PTPN2: variants seen among roughly 807,000 people sequenced by gnomAD.
PTPN2 encodes protein tyrosine phosphatase non-receptor type 2.
Under a neutral mutation model 57.3 loss-of-function variants are expected in PTPN2, and 19 were observed. The ratio of observed to expected loss-of-function variants is 0.33; its 90% CI spans 0.23 to 0.49. The LOEUF is 0.49. Among genes scored for constraint, PTPN2 ranks in the 20% least tolerant of loss-of-function variants. The probability of loss-of-function intolerance (pLI) is 0.99; values close to 1 mark genes in which losing one functional copy is unlikely to be tolerated. For synonymous variants in PTPN2, 153 were observed against 164.9 expected (o/e 0.93, Z 0.55); for missense variants, 358 against 501.1 (o/e 0.71, Z 2.73).
chr18:12,883,974 A>G (rs2044765438), intron 1 of PTPN2, 99 bp downstream of exon 1: 1 of 1,068,160 alleles, frequency 9.4e-7, no homozygotes, highest in East Asian at 3.0e-5. Context: ...GCGAGAGGCT[A>G]GAGGCGAGAG....
At chr18:12,854,849 T>C (rs12326700) in intron 2 of PTPN2, among the ~76,000 whole-genome samples, 1,682 of 151,796 alleles carry the variant, frequency 0.011, 22 homozygotes, top group African/African-American at 0.039. Flanking sequence ...AATTACGGGG[T>C]TAGGAAAAAA....
chr18:12,819,081 C>A, intron 5 of PTPN2: 3 of 376,676 alleles, frequency 8.0e-6, no homozygotes, highest in Non-Finnish European at 9.2e-6. Context: ...ACAACGAGAG[C>A]GAAACTCCAT....
At chr18:12,845,304 C>T (rs572945894) in intron 2 of PTPN2, among the ~76,000 whole-genome samples, 2 of 152,312 alleles carry the variant, frequency 1.3e-5, no homozygotes, top group East Asian at 3.9e-4. Context: ...GCTAAGTCTT[C>T]CAATCCATGA....
intron 4 of PTPN2, among the ~76,000 whole-genome samples, chr18:12,828,309 A>C (rs1405699256): frequency 3.3e-5 from 5 of 152,238 alleles, no homozygotes; most frequent in Non-Finnish European, 7.3e-5. Context: ...ACATCAGCAA[A>C]GACTGTTGAT....
At chr18:12,861,627 C>A (rs1252670307) in intron 1 of PTPN2, among the ~76,000 whole-genome samples, 1 of 152,076 alleles carries the variant, frequency 6.6e-6, no homozygotes, top group East Asian at 1.9e-4. Context: ...TTCTTAGATA[C>A]CTGATAAGTT....
intron 3 of PTPN2, 84 bp from the exon 4 acceptor site, chr18:12,831,125 T>C: frequency 1.1e-6 from 1 of 898,674 alleles, no homozygotes; most frequent in South Asian, 1.5e-5. Flanking sequence ...AGTCTGCTCC[T>C]GGGATGTTAC....
intron 1 of PTPN2, among the ~76,000 whole-genome samples, chr18:12,860,824 C>T (rs762337881): frequency 6.6e-6 from 1 of 152,072 alleles, no homozygotes; most frequent in African/African-American, 2.4e-5. Flanking sequence ...ACTAAGCTCT[C>T]ACTACTGATG....
Position 12,794,028 on chromosome 18 carries a change from A to C in PTPN2, c.*250T>G. On this transcript the variant is annotated 3_prime_UTR_variant, in exon 9 of 9. Transcript: ENST00000309660. The stretch of plus-strand genomic sequence containing the variant: ...TTTGACATGTATGAATACAGTTGCA[A>C]AATTTACCAGTTTTTAACAAACATG... 7.3e-7 allele frequency: 1 copy of C among 1,371,060 alleles called. No homozygotes were observed. Among genetic ancestry groups the C allele is most frequent in the Non-Finnish European group, 9.4e-7 (1 of 1,064,416 alleles). The allele number at this position is 1,371,060 out of a possible 1,614,324, so 84.9% of individuals were successfully genotyped here. A position where few individuals can be genotyped will look rare whatever the true frequency, so the allele number is the denominator to read the frequency against.
rs890147895 is a variant in PTPN2, at chr18:12,798,738, A to G, written c.1040+3232T>C. On this transcript the variant is annotated intron_variant, in intron 8 of 8. Transcript: ENST00000309660. ...CATACGCGTGTGTTTACATCTTTAC[A>G]GTACAATGATTTATATTCTTTTGGG... Among the ~76,000 whole-genome samples, 5 of 152,346 alleles carry G rather than the reference A, an allele frequency of 3.3e-5. No homozygotes were observed. The East Asian group carries it at 5.8e-4, about 18-fold the overall frequency.
At chr18:12,809,214 A>G (rs1278676702) in intron 7 of PTPN2, among the ~76,000 whole-genome samples, 2 of 152,192 alleles carry the variant, frequency 1.3e-5, no homozygotes, top group Non-Finnish European at 2.9e-5. Flanking sequence ...AGTTTCTTCT[A>G]TGAAAGAGGA....
chr18:12,810,904 A>G lies in PTPN2; in HGVS notation c.858+3299T>C, dbSNP rs142283290. Reference sequence around the variant, plus strand: ...CAATCAAGAAACTACAATATAATGGAACACAGGAGTAATTAAGGATGTCTT... The same window carrying G: ...CAATCAAGAAACTACAATATAATGGGACACAGGAGTAATTAAGGATGTCTT... On this transcript the variant is annotated intron_variant, in intron 7 of 8. Coordinates refer to ENST00000309660, the MANE Select transcript of PTPN2 (RefSeq NM_002828.4). Among the ~76,000 whole-genome samples, 694 of 152,316 alleles carry G rather than the reference A, an allele frequency of 4.6e-3. 5 individuals are homozygous for G. The highest frequency in any genetic ancestry group is 0.016 in the African/African-American group (667 of 41,570).
chr18:12,807,506 G>T (rs1185419760), intron 7 of PTPN2, among the ~76,000 whole-genome samples: 1 of 137,534 alleles, frequency 7.3e-6, no homozygotes, highest in Non-Finnish European at 1.5e-5. Flanking sequence ...ACTATTCACA[G>T]TAGTCAAGAT....
At chr18:12,872,990 G>A (rs147393905) in intron 1 of PTPN2, among the ~76,000 whole-genome samples, 44 of 152,316 alleles carry the variant, frequency 2.9e-4, no homozygotes, top group African/African-American at 9.9e-4. Flanking sequence ...GGAGGCCAAG[G>A]TGGGTGGATC....
chr18:12,845,245 T>C (rs923374846), intron 2 of PTPN2, among the ~76,000 whole-genome samples: 10 of 152,190 alleles, frequency 6.6e-5, no homozygotes, highest in African/African-American at 2.2e-4. Context: ...TTTGACACTA[T>C]GAGTCACTAT....
intron 1 of PTPN2, chr18:12,883,869 G>A: frequency 2.3e-6 from 1 of 433,790 alleles, no homozygotes. Flanking sequence ...GCTCAAGTAT[G>A]CTTTTTTTTT....
At position 12,884,149 on chromosome 18, in the gene PTPN2, G is replaced by A. The variant is rs1169077096; in HGVS notation, c.-8C>T. On this transcript the variant is annotated 5_prime_UTR_variant, in exon 1 of 9. Transcript: ENST00000309660. ...CTCGATGGTGGTGGGCATGGCTGCG[G>A]GAGCGAGCTGGCGCGAGCAGAGCCT... The A allele has an allele frequency of 4.4e-6, 7 of 1,577,928 alleles. No individual in the cohort carries two copies. Among genetic ancestry groups the A allele is most frequent in the African/African-American group, 4.1e-5 (3 of 73,596 alleles).
chr18:12,827,003 TTA>T (rs1357644470), intron 4 of PTPN2, among the ~76,000 whole-genome samples: 1 of 152,240 alleles, frequency 6.6e-6, no homozygotes, highest in African/African-American at 2.4e-5. Flanking sequence ...GACATTCACT[TTA>T]TGTTTCTAAA....
At chr18:12,785,960 T>C (rs1464095684) in intron 9 of PTPN2, 1 of 862,694 alleles carries the variant, frequency 1.2e-6, no homozygotes, top group East Asian at 2.5e-5. Context: ...TGACCAAAAA[T>C]CATTCCCACA....
At chr18:12,804,289 CAAAAAAAA>C (rs59927276) in intron 7 of PTPN2, among the ~76,000 whole-genome samples, 1 of 67,868 alleles carries the variant, frequency 1.5e-5, no homozygotes, top group African/African-American at 6.4e-5. Flanking sequence ...GAAACTGTCT[CAAAAAAAA>C]AAAAAAAAAA....
Sources: allele counts gnomAD v4.1 joint callset (sites outside exome capture counted in the v4.1 genomes callset), GRCh38; gene constraint gnomAD v4.1.1; transcripts MANE v1.5; gene names NCBI Gene and HGNC (gene_info 2026-07-23, HGNC 2026-07-21).